TP63: variants seen among roughly 807,000 people sequenced by gnomAD.
TP63 encodes the protein tumor protein 63.
In TP63, 17 loss-of-function variants were observed where a neutral mutation model predicts 82.8. The ratio of observed to expected loss-of-function variants is 0.21; its 90% CI spans 0.14 to 0.31. The LOEUF (loss-of-function observed/expected upper bound fraction) is 0.31. Among genes scored for constraint, TP63 ranks in the 10% least tolerant of loss-of-function variants. TP63 has a pLI of 1.00. For missense variants in TP63, 648 were observed against 895.3 expected (o/e 0.72, Z 3.52); for synonymous variants, 330 against 321.7 (o/e 1.03, Z -0.28).
intron 1 of TP63, among the ~76,000 whole-genome samples, chr3:189,655,002 A>G (rs1713211209): frequency 6.6e-6 from 1 of 152,150 alleles, no homozygotes; most frequent in Non-Finnish European, 1.5e-5. Context: ...CTCTGCAGTG[A>G]CTACTGCAGT....
At chr3:189,744,531 G>A (rs1721228142) in intron 3 of TP63, among the ~76,000 whole-genome samples, 1 of 152,176 alleles carries the variant, frequency 6.6e-6, no homozygotes, top group African/African-American at 2.4e-5. Flanking sequence ...TGGCAGCTGA[G>A]CATTCCTTCT....
upstream of TP63, among the ~76,000 whole-genome samples, chr3:189,629,160 T>A (rs1729381144): frequency 6.6e-6 from 1 of 152,050 alleles, no homozygotes; most frequent in African/African-American, 2.4e-5. Context: ...GGAGGATAGC[T>A]TGAGTCCAGC....
chr3:189,691,427 G>A (rs1289630141), intron 1 of TP63, among the ~76,000 whole-genome samples: 2 of 151,876 alleles, frequency 1.3e-5, no homozygotes, highest in African/African-American at 2.4e-5. Context: ...CTCAACCTGG[G>A]CAATTGACAT....
the TP63 span, among the ~76,000 whole-genome samples, chr3:189,617,997 G>T: frequency 1.3e-5 from 2 of 152,142 alleles, no homozygotes; most frequent in Admixed American, 6.5e-5. Context: ...CAAACTGTCT[G>T]TACCCAATAT....
chr3:189,746,115 G>A (rs1025461728), intron 3 of TP63, among the ~76,000 whole-genome samples: 7 of 151,918 alleles, frequency 4.6e-5, no homozygotes, highest in African/African-American at 1.7e-4. Context: ...GCACATTACA[G>A]TCAAACTTTC....
At chr3:189,697,350 G>A (rs981369598) in intron 1 of TP63, among the ~76,000 whole-genome samples, 1 of 150,524 alleles carries the variant, frequency 6.6e-6, no homozygotes, top group Non-Finnish European at 1.5e-5. Flanking sequence ...ATCAGTTGAC[G>A]GTATTTGTAT....
chr3:189,661,572 G>A (rs962085154), intron 1 of TP63, among the ~76,000 whole-genome samples: 1 of 152,002 alleles, frequency 6.6e-6, no homozygotes, highest in Non-Finnish European at 1.5e-5. Context: ...TGGTATCAGG[G>A]TGATGCTGGC....
intron 1 of TP63, among the ~76,000 whole-genome samples, chr3:189,722,955 T>C (rs1057298508): frequency 2.0e-5 from 3 of 152,226 alleles, no homozygotes; most frequent in Admixed American, 6.5e-5. Flanking sequence ...AGGTGAATAC[T>C]GAAGCCATGT....
chr3:189,621,462 A>T, the TP63 span, among the ~76,000 whole-genome samples: 1 of 152,122 alleles, frequency 6.6e-6, no homozygotes, highest in South Asian at 2.1e-4. Flanking sequence ...ACACACATAC[A>T]CACATGCATA....
At chr3:189,615,440 T>G in the TP63 span, among the ~76,000 whole-genome samples, 775 of 152,314 alleles carry the variant, frequency 5.1e-3, 10 homozygotes, top group African/African-American at 0.018. Context: ...AATTGCTGCT[T>G]CTTTTCAGGT....
rs568233510 is a variant in TP63 at position 189,831,213 on chromosome 3, C to T, written c.579+22687C>T. Among the ~76,000 whole-genome samples, 150 of 152,228 alleles carry T rather than the reference C, an allele frequency of 9.9e-4. 1 individual carries two copies. Among genetic ancestry groups the T allele is most frequent in the African/African-American group, 3.6e-3 (148 of 41,536 alleles). ...CACTTATAATTTTGATGTGGAGGAT[C>T]CTAATTGAAATCTGCTGTTTGAGGT... On this transcript the variant is annotated intron_variant, in intron 4 of 13. Coordinates refer to ENST00000264731, the MANE Select transcript of TP63 (RefSeq NM_003722.5).
chr3:189,795,133 C>T (rs1452936489), intron 3 of TP63, among the ~76,000 whole-genome samples: 1 of 152,000 alleles, frequency 6.6e-6, no homozygotes, highest in African/African-American at 2.4e-5. Context: ...CATTCTCTTC[C>T]ACACACTAAC....
At chr3:189,624,898 C>A in the TP63 span, among the ~76,000 whole-genome samples, 1 of 152,068 alleles carries the variant, frequency 6.6e-6, no homozygotes, top group African/African-American at 2.4e-5. Flanking sequence ...GGATGAGTAG[C>A]AATAATTTAG....
At chr3:189,729,187 A>T (rs781279654) in intron 1 of TP63, among the ~76,000 whole-genome samples, 1 of 152,190 alleles carries the variant, frequency 6.6e-6, no homozygotes, top group East Asian at 1.9e-4. Flanking sequence ...CAGAGAAATC[A>T]TTACCTTTAA....
intron 1 of TP63, among the ~76,000 whole-genome samples, chr3:189,633,400 G>T (rs1452775053): frequency 6.6e-6 from 1 of 151,696 alleles, no homozygotes; most frequent in African/African-American, 2.4e-5. Flanking sequence ...CCTCTGAAAG[G>T]CCCCAGCGTG....
At chr3:189,880,038 T>C in intron 10 of TP63, 1 of 1,610,608 alleles carries the variant, frequency 6.2e-7, no homozygotes. Flanking sequence ...CCTTCATTTT[T>C]TCTTTTCTCT....
chr3:189,726,484 G>C (rs1719786048), intron 1 of TP63, among the ~76,000 whole-genome samples: 2 of 152,074 alleles, frequency 1.3e-5, no homozygotes, highest in African/African-American at 4.8e-5. Flanking sequence ...TTGTACTGAA[G>C]TATTCCAGGT....
At chr3:189,617,246 G>A in the TP63 span, among the ~76,000 whole-genome samples, 26 of 152,158 alleles carry the variant, frequency 1.7e-4, no homozygotes, top group Non-Finnish European at 3.4e-4. Context: ...ACAGTGCAAC[G>A]TTCTGTGGGT....
chr3:189,774,022 A>G (rs909701875), intron 3 of TP63, among the ~76,000 whole-genome samples: 8 of 139,816 alleles, frequency 5.7e-5, no homozygotes, highest in Admixed American at 1.6e-4. Context: ...TCCTGGGTTC[A>G]TGCCATTCTC....
Sources: allele counts gnomAD v4.1 joint callset (sites outside exome capture counted in the v4.1 genomes callset), GRCh38; gene constraint gnomAD v4.1.1; transcripts MANE v1.5; gene names NCBI Gene and HGNC (gene_info 2026-07-23, HGNC 2026-07-21).